Variants in DHTKD1 observed in about 807,000 individuals in gnomAD.
DHTKD1 encodes the protein dehydrogenase E1 and transketolase domain containing 1.
A neutral mutation model predicts 101.8 loss-of-function variants in DHTKD1; 78 were observed. The observed-to-expected ratio is 0.77, with a 90% CI of 0.64 to 0.93. The LOEUF is 0.93. DHTKD1 is among the 40% of genes least tolerant of loss of function. The probability of loss-of-function intolerance (pLI) is 0.00; values close to 1 mark genes in which losing one functional copy is unlikely to be tolerated. For missense variants in DHTKD1, 1,223 were observed against 1,161.7 expected (o/e 1.05, Z -0.77); for synonymous variants, 462 against 450.3 (o/e 1.03, Z -0.33).
At chr10:12,119,429 C>A (rs753770113) in intron 15 of DHTKD1, among the ~76,000 whole-genome samples, 3 of 151,068 alleles carry the variant, frequency 2.0e-5, no homozygotes, top group African/African-American at 4.9e-5. Context: ...TCCTGGCTAA[C>A]ACAGTGAAAC....
chr10:12,120,706 A>G lies in DHTKD1; in HGVS notation c.2659-81A>G, dbSNP rs1456665888. The stretch of plus-strand genomic sequence containing the variant: ...TATGGTTAAACAAGCTAAGAGAAAT[A>G]CATGCACTGTCTTGTTGGAACTAAG... On this transcript the variant is annotated intron_variant, in intron 16 of 16. Transcript: ENST00000263035. The G allele has an allele frequency of 7.8e-6, 9 of 1,159,592 alleles. No individual in the cohort carries two copies. In the East Asian group the frequency reaches 2.1e-4, roughly 27 times the overall value. The allele number at this position is 1,159,592 out of a possible 1,614,324, so 71.8% of individuals were successfully genotyped here.
At chr10:12,094,349 G>C in intron 7 of DHTKD1, 78 bp downstream of exon 7, 1 of 1,327,826 alleles carries the variant, frequency 7.5e-7, no homozygotes, top group Non-Finnish European at 1.1e-6. Flanking sequence ...ATGGAGTCTT[G>C]CTTTGTCACC....
At position 12,118,782 on chromosome 10, in the gene DHTKD1, T is replaced by G; in HGVS notation, c.2436T>G (p.His812Gln). Residue 812 changes from histidine to glutamine, a missense_variant, in exon 15 of 17, where the codon CAT becomes CAG. Transcript: ENST00000263035. ...CCCTCGTGTTCTGCTCCGGCAAACA[T>G]TTCTACTCCCTGGTGAAACAAAGAG... The part of the protein sequence containing the change: ...VKTLVFCSGK[H>Q]FYSLVKQRES... 1 of 1,602,916 alleles carries G rather than the reference T, an allele frequency of 6.2e-7. No individual in the cohort carries two copies. The highest frequency in any genetic ancestry group is 8.5e-7 in the Non-Finnish European group (1 of 1,175,562).
intron 1 of DHTKD1, among the ~76,000 whole-genome samples, chr10:12,071,175 G>C (rs1564385889): frequency 6.6e-6 from 1 of 152,228 alleles, no homozygotes; most frequent in Non-Finnish European, 1.5e-5. Flanking sequence ...CAAAGAGAAG[G>C]GATATCTTCT....
At chr10:12,086,558 C>G (rs1398728510) in intron 3 of DHTKD1, among the ~76,000 whole-genome samples, 1 of 152,046 alleles carries the variant, frequency 6.6e-6, no homozygotes, top group Non-Finnish European at 1.5e-5. Flanking sequence ...CTCCTGACCT[C>G]ATGATCTGCC....
intron 1 of DHTKD1, among the ~76,000 whole-genome samples, chr10:12,077,017 G>T (rs1832743397): frequency 7.0e-6 from 1 of 142,348 alleles, no homozygotes; most frequent in Non-Finnish European, 1.5e-5. Context: ...GAACAAGTCG[G>T]CAATTTCTAC....
At position 12,094,116 on chromosome 10, in the gene DHTKD1, C is replaced by T; in HGVS notation, c.1203C>T (p.Ser401=). The T allele has an allele frequency of 6.2e-7, 1 of 1,614,088 alleles. No individual in the cohort carries two copies. Among genetic ancestry groups the T allele is most frequent in the Non-Finnish European group, 8.5e-7 (1 of 1,180,014 alleles). Residue 401 remains serine (S), a synonymous_variant, in exon 7 of 17, where the codon AGC becomes AGT. Transcript: ENST00000263035. ...GCAIIHVNGD[S]PEEVVRATRL... ...CCATCATCCATGTCAATGGAGACAG[C>T]CCAGAGGAAGTGGTCCGTGCCACAC...
rs371391583 is a variant in DHTKD1 at position 12,112,995 on chromosome 10, G to A, written c.2250G>A (p.Arg750=). The A allele has an allele frequency of 1.8e-5, 29 of 1,613,784 alleles. No homozygotes were observed. Among genetic ancestry groups the A allele is most frequent in the Admixed American group, 3.3e-5 (2 of 59,938 alleles). ...CTGCACAGTATTTCCACTTGCTTAGGAGACAGATGGTCCGGAACTTCAGAA... is the reference window on the plus strand; with the variant it reads ...CTGCACAGTATTTCCACTTGCTTAGAAGACAGATGGTCCGGAACTTCAGAA... ...TTPAQYFHLL[R]RQMVRNFRKP... is the part of the protein sequence containing the mutation. The change falls in exon 13 of 17, where the codon AGG becomes AGA. Residue 750 remains arginine, a synonymous_variant. Transcript: ENST00000263035.
chr10:12,108,101 C>A, intron 12 of DHTKD1, 86 bp downstream of exon 12: 2 of 910,974 alleles, frequency 2.2e-6, no homozygotes, highest in South Asian at 1.5e-5. Context: ...TAACGCCCAC[C>A]TAACTGTAAC....
At chr10:12,078,457 C>T (rs1171745310) in intron 1 of DHTKD1, among the ~76,000 whole-genome samples, 1 of 151,414 alleles carries the variant, frequency 6.6e-6, no homozygotes, top group African/African-American at 2.4e-5. Context: ...AAAAACCCCA[C>T]AAAAATTAGC....
At chr10:12,112,798 A>G (rs1245976068) in intron 12 of DHTKD1, 102 bp from the exon 13 acceptor site, 1 of 1,171,122 alleles carries the variant, frequency 8.5e-7, no homozygotes, top group Non-Finnish European at 1.2e-6. Context: ...CTTTTCTGCT[A>G]TAATCAAGAA....
At chr10:12,091,240 G>A (rs1452173036) in intron 5 of DHTKD1, among the ~76,000 whole-genome samples, 1 of 151,374 alleles carries the variant, frequency 6.6e-6, no homozygotes, top group Non-Finnish European at 1.5e-5. Context: ...GTGAAACCCC[G>A]CCTCTACTAA....
At position 12,089,105 on chromosome 10, in the gene DHTKD1, C is replaced by T. The variant is rs1236392600; in HGVS notation, c.837C>T (p.Leu279=). Residue 279 remains leucine (L), a synonymous_variant, in exon 5 of 17, where the codon CTC becomes CTT. Transcript: ENST00000263035. ...VDLYFGAHHP[L]HVTMLPNPSH... Reference sequence around the variant, plus strand: ...TGTACTTTGGGGCGCACCATCCCCTCCATGTGACAATGTTGCCCAATCCCT... The same window carrying T: ...TGTACTTTGGGGCGCACCATCCCCTTCATGTGACAATGTTGCCCAATCCCT... 2.5e-6 allele frequency: 4 copies of T among 1,614,110 alleles called. No individual in the cohort carries two copies. Among genetic ancestry groups the T allele is most frequent in the African/African-American group, 2.7e-5 (2 of 74,942 alleles).
chr10:12,083,606 C>T (rs917896661), intron 2 of DHTKD1, among the ~76,000 whole-genome samples: 1 of 151,996 alleles, frequency 6.6e-6, no homozygotes, highest in African/African-American at 2.4e-5. Context: ...TGGTGGTGTG[C>T]ACGTGTAGTC....
chr10:12,072,053 C>G (rs1397595410), intron 1 of DHTKD1, among the ~76,000 whole-genome samples: 3 of 152,172 alleles, frequency 2.0e-5, no homozygotes, highest in African/African-American at 7.2e-5. Flanking sequence ...AGTCACAGCT[C>G]ACTTCAGCGT....
chr10:12,097,008 T>C (rs1441999450), intron 7 of DHTKD1, among the ~76,000 whole-genome samples: 1 of 152,200 alleles, frequency 6.6e-6, no homozygotes, highest in African/African-American at 2.4e-5. Flanking sequence ...ATTTGTTTTC[T>C]CTCAGTTGCC....
intron 11 of DHTKD1, among the ~76,000 whole-genome samples, chr10:12,106,811 A>G (rs1053719925): frequency 4.6e-5 from 7 of 152,060 alleles, no homozygotes; most frequent in Admixed American, 1.3e-4. Context: ...CCTGCCTTAA[A>G]TCTTTCCTAT....
chr10:12,070,553 A>G (rs1832636853), intron 1 of DHTKD1, among the ~76,000 whole-genome samples: 1 of 152,182 alleles, frequency 6.6e-6, no homozygotes, highest in Non-Finnish European at 1.5e-5. Context: ...CAGTGGCACG[A>G]TCTTGGCTCA....
Position 12,069,167 on chromosome 10 carries a change from G to A in DHTKD1, c.134G>A (p.Gly45Asp). ...PRKPESREPQGALERPPVDHG... is the reference protein window; with the variant it reads ...PRKPESREPQDALERPPVDHG... ...AAGCCCGAGAGCCGCGAGCCCCAGG[G>A]CGCCCTGGAGCGCCCCCCAGGTCGG... Residue 45 changes from glycine (G) to aspartate (D), a missense_variant, in exon 1 of 17, where the codon GGC becomes GAC. By Grantham distance (94) the Gly-to-Asp change is moderately conservative (BLOSUM62 -1). Transcript: ENST00000263035. 2 of 1,555,490 alleles carry A rather than the reference G, an allele frequency of 1.3e-6. No individual in the cohort carries two copies. Among genetic ancestry groups the A allele is most frequent in the Non-Finnish European group, 1.7e-6 (2 of 1,151,180 alleles).
Sources: allele counts gnomAD v4.1 joint callset (sites outside exome capture counted in the v4.1 genomes callset), GRCh38; gene constraint gnomAD v4.1.1; transcripts MANE v1.5; gene names NCBI Gene and HGNC (gene_info 2026-07-23, HGNC 2026-07-21).